The following SORT1 variants were observed in gnomAD, a reference collection of about 807,000 sequenced individuals.
SORT1 encodes the protein sortilin 1.
Under a neutral mutation model 101.7 loss-of-function variants are expected in SORT1, and 39 were observed. That is an observed-to-expected ratio of 0.38 (90% CI 0.30 to 0.50). The LOEUF (loss-of-function observed/expected upper bound fraction) is 0.50. Among genes scored for constraint, SORT1 ranks in the 20% least tolerant of loss-of-function variants. The probability of loss-of-function intolerance (pLI) is 0.90; values close to 1 mark genes in which losing one functional copy is unlikely to be tolerated. For synonymous variants in SORT1, 396 were observed against 393.7 expected (o/e 1.01, Z -0.07); for missense variants, 878 against 1,040.4 (o/e 0.84, Z 2.15).
In SORT1 at chr1:109,313,720, G is replaced by A. The variant is rs1302428648; in HGVS notation, c.*323C>T. 1 of 376,152 alleles carries A rather than the reference G, an allele frequency of 2.7e-6. No individual in the cohort carries two copies. Among genetic ancestry groups the A allele is most frequent in the Admixed American group, 4.5e-5 (1 of 22,208 alleles). The allele number at this position is 376,152 out of a possible 1,614,324, so 23.3% of individuals were successfully genotyped here. ...CACACAGAAGTGGGGTTAGTGAAAA[G>A]GTCCCTTCGAATTCCATTTCGTTTC... On this transcript the variant is annotated 3_prime_UTR_variant, in exon 20 of 20. Transcript: ENST00000256637.
At chr1:109,389,542 C>T (rs1652779473) in intron 1 of SORT1, among the ~76,000 whole-genome samples, 1 of 152,188 alleles carries the variant, frequency 6.6e-6, no homozygotes, top group Non-Finnish European at 1.5e-5. Context: ...AGGGCTCTGA[C>T]CAGCTAATCG....
rs1022064498 is a variant in SORT1, at chr1:109,310,839, G to A, written c.*3204C>T. On this transcript the variant is annotated 3_prime_UTR_variant, in exon 20 of 20. Transcript: ENST00000256637. ...CCCCTCCGTATCCTGGTATCGTGACGAAGGCCATGAGAACCAGCTCTGGTT... is the reference window on the plus strand; with the variant it reads ...CCCCTCCGTATCCTGGTATCGTGACAAAGGCCATGAGAACCAGCTCTGGTT... 3.3e-5 allele frequency: 5 copies of A among 152,200 alleles called. No homozygotes were observed. Among genetic ancestry groups the A allele is most frequent in the African/African-American group, 4.8e-5 (2 of 41,426 alleles). 9.4% of individuals were successfully genotyped at this position (152,200 alleles called of 1,614,324 possible). A position where few individuals can be genotyped will look rare whatever the true frequency, so the allele number is the denominator to read the frequency against.
chr1:109,349,385 A>G (rs765590065), intron 6 of SORT1, among the ~76,000 whole-genome samples: 1 of 152,132 alleles, frequency 6.6e-6, no homozygotes, highest in Non-Finnish European at 1.5e-5. Flanking sequence ...AAACTGTATA[A>G]GGTACAAATA....
In SORT1 at chr1:109,311,533, A is replaced by C. The variant is rs1327244129; in HGVS notation, c.*2510T>G. ...GAGCCAGGCTGGCTGTCAGTCTTCA[A>C]ACCAACAGAGCTAGCCAGCCCGGGG... On this transcript the variant is annotated 3_prime_UTR_variant, in exon 20 of 20. Coordinates refer to ENST00000256637, the MANE Select transcript of SORT1 (RefSeq NM_002959.7). 1.3e-5 allele frequency: 2 copies of C among 152,246 alleles called. No individual in the cohort carries two copies. Among genetic ancestry groups the C allele is most frequent in the Non-Finnish European group, 2.9e-5 (2 of 68,038 alleles). 9.4% of individuals were successfully genotyped at this position (152,246 alleles called of 1,614,324 possible).
At chr1:109,377,797 G>A (rs1282279852) in intron 1 of SORT1, among the ~76,000 whole-genome samples, 3 of 152,098 alleles carry the variant, frequency 2.0e-5, no homozygotes, top group East Asian at 1.9e-4. Context: ...AGAAGGCAGC[G>A]GTGCAGGTAG....
chr1:109,325,157 C>T (rs1354586126), intron 13 of SORT1, 68 bp from the exon 14 acceptor site: 11 of 1,038,900 alleles, frequency 1.1e-5, no homozygotes, highest in Non-Finnish European at 1.5e-5. Context: ...GAAAACCACT[C>T]TGGCTTTTTG....
Position 109,316,756 on chromosome 1 carries a change from TCA to T in SORT1, c.2250+92_2250+93del, listed in dbSNP as rs1415865631. The T allele has an allele frequency of 1.7e-5, 14 of 806,914 alleles. No homozygotes were observed. The African/African-American group carries it at 2.1e-4, about 12-fold the overall frequency. The allele number at this position is 806,914 out of a possible 1,614,324, so 50.0% of individuals were successfully genotyped here. ...AGAGAAGTAGTTTGACCACTTTTTA[TCA>T]GTAACAAAACTCTTGATGCTTTAAC... On this transcript the variant is annotated intron_variant, in intron 17 of 19. Transcript: ENST00000256637.
At chr1:109,395,184 A>G (rs72983014) in intron 1 of SORT1, among the ~76,000 whole-genome samples, 2,551 of 147,450 alleles carry the variant, frequency 0.017, 85 homozygotes, top group African/African-American at 0.061. Context: ...AGAAGAGACC[A>G]CGGATGACTA....
chr1:109,380,138 A>C (rs2101644839), intron 1 of SORT1, among the ~76,000 whole-genome samples: 1 of 152,078 alleles, frequency 6.6e-6, no homozygotes, highest in East Asian at 1.9e-4. Flanking sequence ...ACAAAAAAAC[A>C]ATAGCCAGGT....
intron 16 of SORT1, among the ~76,000 whole-genome samples, chr1:109,317,489 T>A (rs567184867): frequency 6.6e-6 from 1 of 152,244 alleles, no homozygotes; most frequent in Non-Finnish European, 1.5e-5. Context: ...GTGCCTAAAC[T>A]GTGCCAGACG....
rs1658604608 is a variant in SORT1, at chr1:109,309,691, G to T, written c.*4352C>A. 6.6e-6 allele frequency: 1 copy of T among 152,152 alleles called. No homozygotes were observed. The highest frequency in any genetic ancestry group is 2.1e-4 in the South Asian group (1 of 4,834). 9.4% of individuals were successfully genotyped at this position (152,152 alleles called of 1,614,324 possible). A position where few individuals can be genotyped will look rare whatever the true frequency, so the allele number is the denominator to read the frequency against. On this transcript the variant is annotated 3_prime_UTR_variant, in exon 20 of 20. Transcript: ENST00000256637. Reference sequence around the variant, plus strand: ...TATTTACACAATGCTAAAGAAATTTGAGTTTTATTTCCATTTTGTGGAATT... The same window carrying T: ...TATTTACACAATGCTAAAGAAATTTTAGTTTTATTTCCATTTTGTGGAATT...
At chr1:109,330,630 G>C (rs1648399838) in intron 11 of SORT1, among the ~76,000 whole-genome samples, 1 of 151,578 alleles carries the variant, frequency 6.6e-6, no homozygotes, top group Non-Finnish European at 1.5e-5. Flanking sequence ...TAACAGAGCA[G>C]AAATAACTGA....
rs1305387656 is a variant in SORT1 at position 109,327,001 on chromosome 1, T to C, written c.1634A>G (p.Asn545Ser). 2.5e-6 allele frequency: 4 copies of C among 1,611,404 alleles called. No individual in the cohort carries two copies. Among genetic ancestry groups the C allele is most frequent in the African/African-American group, 2.7e-5 (2 of 74,956 alleles). The change falls in exon 13 of 20, where the codon AAT becomes AGT. Residue 545 changes from asparagine to serine, a missense_variant. Asn to Ser is a conservative substitution (Grantham distance 46). Around this residue, in one of 2 missense-constraint regions of SORT1, gnomAD observed 684 missense variants for 894.5 expected, o/e 0.76. Coordinates refer to ENST00000256637, the MANE Select transcript of SORT1 (RefSeq NM_002959.7). ...ATGAGTTCATGCATACTTAATCACATTGATAGGACGGCTGCTGTGCTCAAT... is the reference window on the plus strand; with the variant it reads ...ATGAGTTCATGCATACTTAATCACACTGATAGGACGGCTGCTGTGCTCAAT... ...VAIEHSSRPINVIKFSTDEGQ... is the reference protein window; with the variant it reads ...VAIEHSSRPISVIKFSTDEGQ...
At chr1:109,347,047 G>C (rs1282872863) in intron 7 of SORT1, among the ~76,000 whole-genome samples, 1 of 152,162 alleles carries the variant, frequency 6.6e-6, no homozygotes, top group East Asian at 1.9e-4. Flanking sequence ...TCCATCCTTA[G>C]AACAGTGTTT....
chr1:109,397,759 G>C lies in SORT1; in HGVS notation c.134C>G (p.Ala45Gly). The change falls in exon 1 of 20, where the codon GCG becomes GGG. Residue 45 changes from alanine to glycine, a missense_variant. Physicochemically the swap from Ala to Gly is moderately conservative, Grantham distance 60 (BLOSUM62 0). Transcript: ENST00000256637. ...GGGGCCAGACCAGCGCGGCAGCGGCGCAGCGGGCGGCGGCGGCGCGTCCAG... is the reference window on the plus strand; with the variant it reads ...GGGGCCAGACCAGCGCGGCAGCGGCCCAGCGGGCGGCGGCGGCGCGTCCAG... ...DRLDAPPPPA[A>G]PLPRWSGPIG... 1 of 1,202,848 alleles carries C rather than the reference G, an allele frequency of 8.3e-7. No homozygotes were observed. Among genetic ancestry groups the C allele is most frequent in the Non-Finnish European group, 1.0e-6 (1 of 968,646 alleles). The allele number at this position is 1,202,848 out of a possible 1,614,324, so 74.5% of individuals were successfully genotyped here.
intron 11 of SORT1, 23 bp downstream of exon 11, chr1:109,336,217 T>C (rs1648812676): frequency 7.0e-7 from 1 of 1,434,662 alleles, no homozygotes; most frequent in Admixed American, 1.7e-5. Context: ...TGCTGTGCTC[T>C]GCACACATTA....
intron 1 of SORT1, 27 bp downstream of exon 1, chr1:109,397,559 GC>G: frequency 8.7e-7 from 1 of 1,155,346 alleles, no homozygotes; most frequent in Non-Finnish European, 1.1e-6. Context: ...TCGCACCCGA[GC>G]GGCTCCCGGG....
chr1:109,320,305 T>C (rs958117861), intron 15 of SORT1, among the ~76,000 whole-genome samples: 9 of 152,200 alleles, frequency 5.9e-5, no homozygotes, highest in Non-Finnish European at 7.3e-5. Context: ...AGAAATAAGA[T>C]GTTCAAAATA....
At chr1:109,374,831 C>T (rs1257519478) in intron 1 of SORT1, among the ~76,000 whole-genome samples, 1 of 152,118 alleles carries the variant, frequency 6.6e-6, no homozygotes, top group African/African-American at 2.4e-5. Flanking sequence ...TGGTGACATA[C>T]ACCTGTAGTC....
Sources: allele counts gnomAD v4.1 joint callset (sites outside exome capture counted in the v4.1 genomes callset), GRCh38; gene constraint gnomAD v4.1.1; regional missense constraint gnomAD v4.1.1; transcripts MANE v1.5; gene names NCBI Gene and HGNC (gene_info 2026-07-23, HGNC 2026-07-21).